ATP8A2: variants seen among roughly 807,000 people sequenced by gnomAD.
ATP8A2 encodes phospholipid-transporting ATPase IB.
In ATP8A2, 100 loss-of-function variants were observed where a neutral mutation model predicts 165.6. The ratio of observed to expected loss-of-function variants is 0.60; its 90% CI spans 0.51 to 0.71. ATP8A2 has a LOEUF of 0.71. ATP8A2 is among the 30% of genes least tolerant of loss of function. ATP8A2 has a pLI of 0.00. For synonymous variants in ATP8A2, 543 were observed against 548.8 expected, an observed-to-expected ratio of 0.99 and a Z score of 0.15; for missense variants, 1,227 against 1,479.5, an observed-to-expected ratio of 0.83 and a Z score of 2.80.
chr13:25,847,232 T>G (rs886856693), intron 30 of ATP8A2, among the ~76,000 whole-genome samples: 1 of 152,210 alleles, frequency 6.6e-6, no homozygotes, highest in Non-Finnish European at 1.5e-5. Context: ...CAAATGAAAC[T>G]AAAACTCATA....
chr13:25,998,229 G>A (rs544102861), intron 35 of ATP8A2, among the ~76,000 whole-genome samples: 6 of 152,294 alleles, frequency 3.9e-5, no homozygotes, highest in Admixed American at 2.0e-4. Context: ...GGTTGGGGAT[G>A]GAAGTCTAGT....
At chr13:25,775,341 A>G (rs1391104051) in intron 27 of ATP8A2, among the ~76,000 whole-genome samples, 1 of 152,130 alleles carries the variant, frequency 6.6e-6, no homozygotes, top group East Asian at 1.9e-4. Context: ...TTGCCAGGTG[A>G]TCGCTGAGGT....
intron 33 of ATP8A2, among the ~76,000 whole-genome samples, chr13:25,936,345 C>T (rs1954889101): frequency 6.6e-6 from 1 of 152,156 alleles, no homozygotes; most frequent in Non-Finnish European, 1.5e-5. Context: ...GGGAAGGATT[C>T]GGGAGGCCAT....
rs529197122 is a variant in ATP8A2 at position 25,478,169 on chromosome 13, C to T, written c.221+9048C>T. 7.3e-5 allele frequency among the ~76,000 whole-genome samples: 11 copies of T among 151,058 alleles called. No individual in the cohort carries two copies. In the South Asian group the frequency reaches 1.5e-3, roughly 20 times the overall value. ...GAGTAGATGGGAAAACCCTTACTCT[C>T]GGGGCATCAAAGAACATTCCCTATG... On this transcript the variant is annotated intron_variant, in intron 2 of 36. Coordinates refer to ENST00000381655, the MANE Select transcript of ATP8A2 (RefSeq NM_016529.6).
intron 15 of ATP8A2, among the ~76,000 whole-genome samples, chr13:25,560,170 T>C (rs899342495): frequency 6.6e-6 from 1 of 152,072 alleles, no homozygotes; most frequent in Non-Finnish European, 1.5e-5. Context: ...TATTTTTGTA[T>C]GTAAATAAAA....
intron 27 of ATP8A2, among the ~76,000 whole-genome samples, chr13:25,809,027 T>C (rs1950804508): frequency 6.6e-6 from 1 of 152,236 alleles, no homozygotes; most frequent in African/African-American, 2.4e-5. Context: ...AACTGTGCTG[T>C]TGAAATTTAC....
chr13:25,937,362 C>CTTTCTTTCTTTTTTTTT, intron 33 of ATP8A2, among the ~76,000 whole-genome samples: 1 of 38,798 alleles, frequency 2.6e-5, no homozygotes, highest in Non-Finnish European at 5.5e-5. Flanking sequence ...TTCTTTCTTT[C>CTTTCTTTCTTTTTTTTT]TTTTTTTTTT....
intron 24 of ATP8A2, among the ~76,000 whole-genome samples, chr13:25,592,481 C>G (rs1209232149): frequency 6.6e-6 from 1 of 152,154 alleles, no homozygotes; most frequent in Non-Finnish European, 1.5e-5. Context: ...GTTGATGTTA[C>G]TAAGAAGTAG....
intron 24 of ATP8A2, among the ~76,000 whole-genome samples, chr13:25,641,555 A>G (rs1201041622): frequency 1.3e-5 from 2 of 152,222 alleles, no homozygotes; most frequent in African/African-American, 4.8e-5. Context: ...AGGGATGTGA[A>G]GGACCTCTTC....
chr13:25,824,206 A>T (rs1951252487), intron 27 of ATP8A2, among the ~76,000 whole-genome samples: 1 of 152,124 alleles, frequency 6.6e-6, no homozygotes, highest in African/African-American at 2.4e-5. Flanking sequence ...TCCTGACCTT[A>T]GGTGATCCAC....
chr13:25,501,084 T>C (rs1011844723), intron 2 of ATP8A2, among the ~76,000 whole-genome samples: 47 of 152,136 alleles, frequency 3.1e-4, no homozygotes, highest in African/African-American at 1.1e-3. Context: ...ATTTTAGAAG[T>C]ATGGTTGGGC....
At chr13:25,736,637 C>G (rs2138118815) in intron 25 of ATP8A2, among the ~76,000 whole-genome samples, 1 of 152,278 alleles carries the variant, frequency 6.6e-6, no homozygotes, top group South Asian at 2.1e-4. Flanking sequence ...CTGAATTCTG[C>G]TATTGCTGCA....
chr13:25,377,621 G>A (rs1460462526), intron 1 of ATP8A2, among the ~76,000 whole-genome samples: 1 of 152,130 alleles, frequency 6.6e-6, no homozygotes, highest in Non-Finnish European at 1.5e-5. Flanking sequence ...CCAACATAGT[G>A]AAACCCTAAA....
intron 2 of ATP8A2, 97 bp from the exon 3 acceptor site, chr13:25,529,902 T>A (rs1175456426): frequency 1.2e-5 from 8 of 657,574 alleles, no homozygotes; most frequent in Admixed American, 6.1e-5. Flanking sequence ...CATTTTTTTT[T>A]AAACCATTTG....
chr13:25,874,833 CATGG>C (rs780640419), intron 33 of ATP8A2, among the ~76,000 whole-genome samples: 2 of 152,104 alleles, frequency 1.3e-5, no homozygotes, highest in Non-Finnish European at 2.9e-5. Context: ...TTAGAAGATA[CATGG>C]ATGAACAAAA....
intron 35 of ATP8A2, among the ~76,000 whole-genome samples, chr13:25,976,024 C>A (rs1214871394): frequency 1.3e-5 from 2 of 152,332 alleles, no homozygotes; most frequent in South Asian, 4.1e-4. Flanking sequence ...GCAAGGTTCA[C>A]ACATAGCATT....
rs1308449011 is a variant in ATP8A2, at chr13:25,774,902, G to A, written c.2622G>A (p.Arg874=). Reference sequence around the variant, plus strand: ...TTCATGGAGCCTGGAGCTACAACCGGGTGACCAAGTGCATCTTGTACTGCT... The same window carrying A: ...TTCATGGAGCCTGGAGCTACAACCGAGTGACCAAGTGCATCTTGTACTGCT... ...LLVHGAWSYN[R]VTKCILYCFY... The change falls in exon 27 of 37, where the codon CGG becomes CGA. Residue 874 remains arginine (R), a synonymous_variant. Coordinates refer to ENST00000381655, the MANE Select transcript of ATP8A2 (RefSeq NM_016529.6). 6.2e-7 allele frequency: 1 copy of A among 1,613,936 alleles called. No individual in the cohort carries two copies. The highest frequency in any genetic ancestry group is 1.7e-5 in the Admixed American group (1 of 60,020).
intron 19 of ATP8A2, among the ~76,000 whole-genome samples, chr13:25,575,851 A>G (rs1240569041): frequency 2.6e-5 from 4 of 152,184 alleles, no homozygotes. Flanking sequence ...CTGTGATTAC[A>G]TTAACTGGGA....
At chr13:25,777,019 T>A (rs548654688) in intron 27 of ATP8A2, among the ~76,000 whole-genome samples, 69 of 152,280 alleles carry the variant, frequency 4.5e-4, no homozygotes, top group African/African-American at 1.6e-3. Context: ...AGTGCAATTT[T>A]AGTCTGCCTG....
Sources: gnomAD v4.1 joint callset for allele counts (sites outside exome capture counted in the v4.1 genomes callset) on GRCh38, gnomAD v4.1.1 for gene constraint, MANE v1.5 for transcripts, NCBI Gene and HGNC (gene_info 2026-07-23, HGNC 2026-07-21) for gene names.